NCAM1: variants seen among roughly 807,000 people sequenced by gnomAD.
NCAM1 encodes the protein antigen recognized by monoclonal antibody 5.1H11.
A neutral mutation model predicts 109.8 loss-of-function variants in NCAM1; 14 were observed. That is an observed-to-expected ratio of 0.13 (90% CI 0.08 to 0.20). The LOEUF is 0.20. Among genes scored for constraint, NCAM1 ranks in the 10% least tolerant of loss-of-function variants. The probability of loss-of-function intolerance (pLI) is 1.00; values close to 1 mark genes in which losing one functional copy is unlikely to be tolerated. For synonymous variants in NCAM1, 418 were observed against 442.9 expected (o/e 0.94, Z 0.70); for missense variants, 774 against 1,109.9 (o/e 0.70, Z 4.30).
At chr11:113,082,382 GA>G (rs533391556) in intron 1 of NCAM1, among the ~76,000 whole-genome samples, 1 of 152,136 alleles carries the variant, frequency 6.6e-6, no homozygotes, top group South Asian at 2.1e-4. Flanking sequence ...AAAATGTTTT[GA>G]GCAATAATTT....
At chr11:113,195,495 A>G (rs76599072) in intron 1 of NCAM1, among the ~76,000 whole-genome samples, 2 of 85,598 alleles carry the variant, frequency 2.3e-5, no homozygotes, top group East Asian at 8.4e-4. Context: ...CCCTTAGTAG[A>G]TTTTTTTTTT....
chr11:113,140,422 C>T (rs1555100199), intron 1 of NCAM1, among the ~76,000 whole-genome samples: 1 of 152,062 alleles, frequency 6.6e-6, no homozygotes, highest in Non-Finnish European at 1.5e-5. Flanking sequence ...TGAAGTGAAG[C>T]CATTTCCTCT....
chr11:113,232,347 A>T lies in NCAM1; in HGVS notation c.1418A>T (p.Tyr473Phe). The T allele has an allele frequency of 2.5e-6, 4 of 1,608,402 alleles. No individual in the cohort carries two copies. The highest frequency in any genetic ancestry group is 3.4e-6 in the Non-Finnish European group (4 of 1,177,004). Residue 473 changes from tyrosine (Y) to phenylalanine (F), a missense_variant, in exon 11 of 20, where the codon TAT becomes TTT. Around this residue, in one of 4 missense-constraint regions of NCAM1, gnomAD observed 523 missense variants for 784.2 expected, o/e 0.67. Transcript: ENST00000316851. ...IKIYNTPSAS[Y>F]LEVTPDSEND... ...ATCTACAACACCCCCTCTGCCAGCT[A>T]TCTGGAGGTGAGTCAGGATGGGGGT... is the stretch of plus-strand genomic sequence containing the variant.
intron 1 of NCAM1, among the ~76,000 whole-genome samples, chr11:113,073,463 A>G (rs1170888463): frequency 1.3e-5 from 2 of 152,218 alleles, no homozygotes; most frequent in East Asian, 1.9e-4. Context: ...GAGTGCCTCT[A>G]TGGGAATGTG....
chr11:112,972,931 C>A (rs535566451), intron 1 of NCAM1, among the ~76,000 whole-genome samples: 1 of 151,944 alleles, frequency 6.6e-6, no homozygotes, highest in African/African-American at 2.4e-5. Flanking sequence ...TGCATCACCA[C>A]GGAAAAGAGC....
At chr11:113,232,885 T>C (rs1945051514) in intron 12 of NCAM1, 71 bp downstream of exon 12, 46 of 1,338,490 alleles carry the variant, frequency 3.4e-5, no homozygotes, top group Non-Finnish European at 4.8e-5. Context: ...CCAATTTGTG[T>C]ACTTGAGTGA....
chr11:113,052,605 C>G (rs1953544738), intron 1 of NCAM1, among the ~76,000 whole-genome samples: 1 of 152,182 alleles, frequency 6.6e-6, no homozygotes, highest in African/African-American at 2.4e-5. Context: ...GAAGTAGTTT[C>G]TTACCTCACA....
rs782393320 is a variant in NCAM1 at position 113,202,369 on chromosome 11, G to GT, written c.53-4dup. On this transcript the variant is annotated splice_polypyrimidine_tract_variant and intron_variant, in intron 1 of 19. Transcript: ENST00000316851. The stretch of plus-strand genomic sequence containing the variant: ...TTTTTGTTTTGTTTTGTTTTGTTTT[G>GT]TTTTTTCAGTTTCTCTGCAGGTGGA... The GT allele has an allele frequency of 2.3e-5, 37 of 1,608,942 alleles. No homozygotes were observed. The highest frequency in any genetic ancestry group is 1.7e-4 in the Middle Eastern group (1 of 6,046).
chr11:113,059,371 T>G (rs1162195055), intron 1 of NCAM1, among the ~76,000 whole-genome samples: 1 of 152,190 alleles, frequency 6.6e-6, no homozygotes, highest in Non-Finnish European at 1.5e-5. Context: ...TTCCTCCTGT[T>G]GTTGTGAATC....
intron 1 of NCAM1, among the ~76,000 whole-genome samples, chr11:112,977,884 A>G (rs543485533): frequency 6.6e-6 from 1 of 152,026 alleles, no homozygotes; most frequent in East Asian, 1.9e-4. Flanking sequence ...AAGAAGTCCA[A>G]TAGTGTGCCT....
chr11:113,008,917 A>G (rs1361248773), intron 1 of NCAM1, among the ~76,000 whole-genome samples: 3 of 152,142 alleles, frequency 2.0e-5, no homozygotes, highest in Non-Finnish European at 2.9e-5. Flanking sequence ...AGCTGAGTCA[A>G]GTGCACAGAA....
In NCAM1 at chr11:113,022,168, G is replaced by A. The variant is rs1043653546; in HGVS notation, c.52+60504G>A. On this transcript the variant is annotated intron_variant, in intron 1 of 19. Transcript: ENST00000316851. ...AGCCAACAGGCCTCTGACTTACTTC[G>A]CTTAAGATAATGCACTCAATACAAA... Among the ~76,000 whole-genome samples the A allele has an allele frequency of 8.5e-5, 13 of 152,218 alleles. No individual in the cohort carries two copies. In the South Asian group the frequency reaches 2.3e-3, roughly 27 times the overall value.
chr11:113,246,288 A>T (rs1395537692), intron 14 of NCAM1, 80 bp from the exon 15 acceptor site: 2 of 700,072 alleles, frequency 2.9e-6, no homozygotes, highest in Admixed American at 4.1e-5. Flanking sequence ...CCTTTCAACC[A>T]ATATCATGTG....
intron 1 of NCAM1, among the ~76,000 whole-genome samples, chr11:113,090,903 T>C (rs540970685): frequency 6.6e-6 from 1 of 152,322 alleles, no homozygotes; most frequent in Non-Finnish European, 1.5e-5. Flanking sequence ...GTAAAAGGTA[T>C]GGGAAAGAGT....
At chr11:112,964,216 G>C (rs2134448193) in intron 1 of NCAM1, among the ~76,000 whole-genome samples, 1 of 135,992 alleles carries the variant, frequency 7.4e-6, no homozygotes, top group South Asian at 2.3e-4. Context: ...TTGTGTGCTC[G>C]GCTGGGTGCA....
chr11:113,115,127 C>T (rs1252969997), intron 1 of NCAM1, among the ~76,000 whole-genome samples: 6 of 152,174 alleles, frequency 3.9e-5, no homozygotes, highest in Non-Finnish European at 1.5e-5. Context: ...GGTGGCTGTG[C>T]CTTTTGAGTT....
intron 9 of NCAM1, chr11:113,221,606 A>G (rs1944695508): frequency 3.0e-6 from 1 of 333,508 alleles, no homozygotes; most frequent in Non-Finnish European, 5.5e-6. Context: ...AATAGAAATA[A>G]ATTGCCCCCA....
At chr11:113,037,250 G>A (rs1436249018) in intron 1 of NCAM1, among the ~76,000 whole-genome samples, 1 of 152,172 alleles carries the variant, frequency 6.6e-6, no homozygotes, top group African/African-American at 2.4e-5. Context: ...TTTTTAAGAT[G>A]AAGCAATTGA....
At chr11:113,003,381 T>C (rs566065871) in intron 1 of NCAM1, among the ~76,000 whole-genome samples, 2 of 152,374 alleles carry the variant, frequency 1.3e-5, no homozygotes, top group East Asian at 3.9e-4. Flanking sequence ...GCACTCTTCA[T>C]CCAACTCTCA....
Sources: gnomAD v4.1 joint callset for allele counts (sites outside exome capture counted in the v4.1 genomes callset) on GRCh38, gnomAD v4.1.1 for gene constraint, gnomAD v4.1.1 regional missense constraint, MANE v1.5 for transcripts, NCBI Gene and HGNC (gene_info 2026-07-23, HGNC 2026-07-21) for gene names.